The following SAMD13 variants were observed in gnomAD, a reference collection of about 807,000 sequenced individuals.
The protein encoded by SAMD13 is sterile alpha motif domain-containing protein 13.
In SAMD13, 9 loss-of-function variants were observed where a neutral mutation model predicts 12.4. The ratio of observed to expected loss-of-function variants is 0.72; its 90% confidence interval spans 0.44 to 1.26. The LOEUF (loss-of-function observed/expected upper bound fraction) is 1.26. Among genes scored for constraint, SAMD13 ranks in the 50% most tolerant of loss-of-function variants. SAMD13 has a pLI of 0.00. For missense variants in SAMD13, 84 were observed against 119.6 expected, an observed-to-expected ratio of 0.70 and a Z score of 1.39; for synonymous variants, 46 against 45.4, an observed-to-expected ratio of 1.01 and a Z score of -0.05.
rs78807383 is a variant in SAMD13 at position 84,320,243 on chromosome 1, G to T, written c.54-5394G>T. ...AAAGGGTTTGACTGACATAAGCAAA[G>T]CCACGGGTATGGGAAAGTCTAGGAT... On this transcript the variant is annotated intron_variant, in intron 2 of 3. Coordinates refer to ENST00000394834, the MANE Select transcript of SAMD13 (RefSeq NM_001134663.2). Among the ~76,000 whole-genome samples, 37 of 152,314 alleles carry T rather than the reference G, an allele frequency of 2.4e-4. No individual in the cohort carries two copies. The East Asian group carries it at 7.1e-3, about 29-fold the overall frequency.
chr1:84,313,362 A>G (rs745793618), intron 2 of SAMD13, among the ~76,000 whole-genome samples: 15 of 152,228 alleles, frequency 9.9e-5, no homozygotes, highest in Admixed American at 7.2e-4. Context: ...CACTCTTATC[A>G]TTGATCTGTG....
chr1:84,328,971 G>A (rs1371143387), intron 3 of SAMD13, among the ~76,000 whole-genome samples: 1 of 152,098 alleles, frequency 6.6e-6, no homozygotes, highest in Non-Finnish European at 1.5e-5. Flanking sequence ...AGTGATGTGG[G>A]GAGCTTATTG....
chr1:84,316,683 G>A (rs1203614750), intron 2 of SAMD13, among the ~76,000 whole-genome samples: 1 of 151,976 alleles, frequency 6.6e-6, no homozygotes, highest in Non-Finnish European at 1.5e-5. Context: ...TTTTCAAATT[G>A]TTTTGGCTAT....
At chr1:84,299,991 T>C (rs1233567240), upstream of SAMD13, among the ~76,000 whole-genome samples, 1 of 152,130 alleles carries the variant, frequency 6.6e-6, no homozygotes, top group African/African-American at 2.4e-5. Context: ...TCTTTGCCTT[T>C]TCCCCGTCAA....
At chr1:84,317,647 C>T (rs1678864106) in intron 2 of SAMD13, among the ~76,000 whole-genome samples, 1 of 151,834 alleles carries the variant, frequency 6.6e-6, no homozygotes, top group Non-Finnish European at 1.5e-5. Context: ...GGGATATTGG[C>T]CTATAATTTT....
chr1:84,350,384 C>G lies in SAMD13; in HGVS notation c.*610C>G, dbSNP rs1231836196. 6.6e-6 allele frequency: 1 copy of G among 152,214 alleles called. No homozygotes were observed. The highest frequency in any genetic ancestry group is 2.4e-5 in the African/African-American group (1 of 41,442). The allele number at this position is 152,214 out of a possible 1,614,324, so 9.4% of individuals were successfully genotyped here. ...AGAATCATAGCTCTGAAAAGAGAAG[C>G]TCCGTTGTGTACTGAGGATATCCAT... On this transcript the variant is annotated 3_prime_UTR_variant, in exon 4 of 4. Coordinates refer to ENST00000394834, the MANE Select transcript of SAMD13 (RefSeq NM_001134663.2).
intron 2 of SAMD13, among the ~76,000 whole-genome samples, chr1:84,306,301 AT>A (rs1257251294): frequency 6.6e-6 from 1 of 152,056 alleles, no homozygotes; most frequent in Non-Finnish European, 1.5e-5. Flanking sequence ...AATACAATTG[AT>A]TTTTTATATT....
chr1:84,321,815 A>T (rs1181250488), intron 2 of SAMD13, among the ~76,000 whole-genome samples: 2 of 152,138 alleles, frequency 1.3e-5, no homozygotes, highest in Non-Finnish European at 1.5e-5. Context: ...ACACCCTTCC[A>T]CTTGGCTTAC....
intron 3 of SAMD13, among the ~76,000 whole-genome samples, chr1:84,344,052 C>T (rs183886838): frequency 6.7e-6 from 1 of 149,326 alleles, no homozygotes; most frequent in East Asian, 2.0e-4. Flanking sequence ...AAATGTGTTT[C>T]AGGTTTTTGT....
At chr1:84,346,889 G>A (rs1462987341) in intron 3 of SAMD13, among the ~76,000 whole-genome samples, 2 of 152,116 alleles carry the variant, frequency 1.3e-5, no homozygotes, top group African/African-American at 4.8e-5. Context: ...TGGCAAAGGG[G>A]AGCACACTGG....
In SAMD13 at chr1:84,347,535, A is replaced by C. The variant is rs77829213; in HGVS notation, c.166-2096A>C. Reference sequence around the variant, plus strand: ...AAATTCACTTTGAGTTAGTCGAGGAAGTTTTCTTGGTGTATAGAAATGAAA... The same window carrying C: ...AAATTCACTTTGAGTTAGTCGAGGACGTTTTCTTGGTGTATAGAAATGAAA... On this transcript the variant is annotated intron_variant, in intron 3 of 3. Transcript: ENST00000394834. Among the ~76,000 whole-genome samples the C allele has an allele frequency of 4.9e-3, 744 of 152,324 alleles. 6 individuals carry two copies. The highest frequency in any genetic ancestry group is 5.9e-3 in the Non-Finnish European group (400 of 68,024).
intron 3 of SAMD13, among the ~76,000 whole-genome samples, chr1:84,328,786 G>C (rs1315034957): frequency 6.6e-6 from 1 of 152,046 alleles, no homozygotes; most frequent in African/African-American, 2.4e-5. Context: ...CCCTTCCAAG[G>C]TACATGCAGG....
intron 2 of SAMD13, among the ~76,000 whole-genome samples, chr1:84,312,053 T>C (rs199502656): frequency 2.0e-5 from 3 of 152,270 alleles, no homozygotes; most frequent in East Asian, 3.9e-4. Context: ...GATAGGAAAA[T>C]CTTTTACTTT....
chr1:84,299,326 G>C (rs1016175650), upstream of SAMD13, among the ~76,000 whole-genome samples: 2 of 152,140 alleles, frequency 1.3e-5, no homozygotes, highest in Non-Finnish European at 2.9e-5. Context: ...CTATCTGAGC[G>C]CATTCCCAAG....
intron 3 of SAMD13, among the ~76,000 whole-genome samples, chr1:84,334,930 CT>C (rs1026877731): frequency 2.6e-5 from 4 of 151,674 alleles, no homozygotes; most frequent in African/African-American, 7.3e-5. Context: ...TATAATTTCC[CT>C]TTTTTTTAAT....
chr1:84,338,049 A>G (rs1480496289), intron 3 of SAMD13, among the ~76,000 whole-genome samples: 1 of 152,178 alleles, frequency 6.6e-6, no homozygotes. Flanking sequence ...TATTGTTCAT[A>G]TCACTATCAG....
At position 84,349,900 on chromosome 1, in the gene SAMD13, T is replaced by G. The variant is rs1216654044; in HGVS notation, c.*126T>G. 7.0e-7 allele frequency: 1 copy of G among 1,431,564 alleles called. No homozygotes were observed. The highest frequency in any genetic ancestry group is 9.1e-7 in the Non-Finnish European group (1 of 1,095,050). 88.7% of individuals were successfully genotyped at this position (1,431,564 alleles called of 1,614,324 possible). On this transcript the variant is annotated 3_prime_UTR_variant, in exon 4 of 4. Transcript: ENST00000394834. ...TAAAGAATTTCAATCAAATGAAACGTTATCCTATTGGATAGACTAGGCAAT... is the reference window on the plus strand; with the variant it reads ...TAAAGAATTTCAATCAAATGAAACGGTATCCTATTGGATAGACTAGGCAAT...
At chr1:84,337,577 C>T (rs1679327865) in intron 3 of SAMD13, among the ~76,000 whole-genome samples, 1 of 152,170 alleles carries the variant, frequency 6.6e-6, no homozygotes, top group African/African-American at 2.4e-5. Context: ...GTCTGGCCCA[C>T]AAAACCATCT....
chr1:84,301,444 T>G (rs990539829), upstream of SAMD13, among the ~76,000 whole-genome samples: 2 of 152,166 alleles, frequency 1.3e-5, no homozygotes, highest in Non-Finnish European at 2.9e-5. Flanking sequence ...AGGGAGAAAA[T>G]AAGAAGCTAT....
Sources: allele counts gnomAD v4.1 joint callset (sites outside exome capture counted in the v4.1 genomes callset), GRCh38; gene constraint gnomAD v4.1.1; transcripts MANE v1.5; gene names NCBI Gene and HGNC (gene_info 2026-07-23, HGNC 2026-07-21).